Variants in CDH13 observed in about 807,000 individuals in gnomAD.
CDH13 encodes the protein cadherin 13.
In CDH13, 24 loss-of-function variants were observed where a neutral mutation model predicts 63.8. The observed-to-expected ratio is 0.38, with a 90% CI of 0.27 to 0.53. CDH13 has a LOEUF of 0.53. CDH13 is among the 20% of genes least tolerant of loss of function. CDH13 has a pLI of 0.85. For synonymous variants in CDH13, 503 were observed against 355.3 expected (o/e 1.42, Z -4.67); for missense variants, 1,049 against 903.1 (o/e 1.16, Z -2.07).
chr16:83,532,885 G>C (rs574392902), intron 7 of CDH13, among the ~76,000 whole-genome samples: 1 of 152,192 alleles, frequency 6.6e-6, no homozygotes, highest in African/African-American at 2.4e-5. Context: ...GCAGTGCCAC[G>C]GGAGAGAGCC....
At chr16:82,668,720 C>T (rs773404105) in intron 1 of CDH13, among the ~76,000 whole-genome samples, 16 of 152,100 alleles carry the variant, frequency 1.1e-4, no homozygotes, top group Non-Finnish European at 2.2e-4. Context: ...GAATGACTGT[C>T]GTAGGAGTGT....
At chr16:82,687,169 T>C (rs1915160502) in intron 1 of CDH13, among the ~76,000 whole-genome samples, 2 of 152,168 alleles carry the variant, frequency 1.3e-5, no homozygotes, top group Non-Finnish European at 1.5e-5. Flanking sequence ...TCTCTCATGG[T>C]AGCTTTGAAG....
chr16:83,250,198 G>T (rs1267460488), intron 5 of CDH13, among the ~76,000 whole-genome samples: 2 of 152,208 alleles, frequency 1.3e-5, no homozygotes, highest in East Asian at 1.9e-4. Flanking sequence ...TAAATATTCA[G>T]ATTGCCACTA....
intron 4 of CDH13, among the ~76,000 whole-genome samples, chr16:83,160,199 G>T (rs1439780175): frequency 6.6e-6 from 1 of 152,154 alleles, no homozygotes; most frequent in Non-Finnish European, 1.5e-5. Context: ...GGGTGAAAAT[G>T]ATGTGTCAAT....
chr16:82,759,840 C>T (rs762333113), intron 1 of CDH13, among the ~76,000 whole-genome samples: 12 of 152,164 alleles, frequency 7.9e-5, no homozygotes, highest in Non-Finnish European at 1.5e-4. Context: ...TGACGCACTG[C>T]GCCTCTGTTG....
intron 5 of CDH13, among the ~76,000 whole-genome samples, chr16:83,284,266 C>G (rs1262949142): frequency 6.6e-6 from 1 of 152,182 alleles, no homozygotes; most frequent in Non-Finnish European, 1.5e-5. Context: ...GGAGAAGAAT[C>G]TGAGTAGTCA....
chr16:82,681,625 T>A (rs1201841853), intron 1 of CDH13, among the ~76,000 whole-genome samples: 1 of 152,112 alleles, frequency 6.6e-6, no homozygotes, highest in Non-Finnish European at 1.5e-5. Flanking sequence ...CTGGCGGGAG[T>A]GGTAGCGGAT....
At chr16:83,661,460 G>A (rs980279352) in intron 8 of CDH13, among the ~76,000 whole-genome samples, 14 of 149,790 alleles carry the variant, frequency 9.3e-5, no homozygotes, top group Admixed American at 8.0e-4. Flanking sequence ...TCCAGCCTGG[G>A]TGACAGAGCG....
At chr16:83,715,468 GCTTGTAAGTACCAGGT>G (rs1387334658) in intron 10 of CDH13, among the ~76,000 whole-genome samples, 2 of 152,290 alleles carry the variant, frequency 1.3e-5, no homozygotes, top group African/African-American at 4.8e-5. Flanking sequence ...GGATCCTGGG[GCTTGTAAGTACCAGGT>G]CTTGGTAAGT....
intron 7 of CDH13, among the ~76,000 whole-genome samples, chr16:83,523,704 T>C (rs963052949): frequency 6.6e-6 from 1 of 152,166 alleles, no homozygotes; most frequent in Non-Finnish European, 1.5e-5. Context: ...TCCACCTCAG[T>C]GGGCATGTCC....
At chr16:83,603,168 C>G (rs1163298017) in intron 8 of CDH13, among the ~76,000 whole-genome samples, 1 of 152,168 alleles carries the variant, frequency 6.6e-6, no homozygotes, top group African/African-American at 2.4e-5. Flanking sequence ...GGGCTGAGTA[C>G]ACAAGATCAC....
chr16:83,024,948 C>T (rs1488618982), intron 2 of CDH13, among the ~76,000 whole-genome samples: 1 of 152,172 alleles, frequency 6.6e-6, no homozygotes, highest in Non-Finnish European at 1.5e-5. Flanking sequence ...ACCCCTTTAA[C>T]CCTAGCAGTG....
At chr16:82,647,592 G>A (rs1910247559) in intron 1 of CDH13, among the ~76,000 whole-genome samples, 1 of 151,748 alleles carries the variant, frequency 6.6e-6, no homozygotes, top group African/African-American at 2.4e-5. Context: ...CCCACCTGAG[G>A]GGCATGGGAG....
intron 10 of CDH13, among the ~76,000 whole-genome samples, chr16:83,712,685 T>C (rs17769638): frequency 0.12 from 17,640 of 152,256 alleles, 1,047 homozygotes; most frequent in Admixed American, 0.14. Flanking sequence ...TCTACACATC[T>C]ATCCTTTTCT....
chr16:83,148,094 C>T (rs373688517), intron 4 of CDH13, among the ~76,000 whole-genome samples: 15 of 152,140 alleles, frequency 9.9e-5, no homozygotes, highest in Non-Finnish European at 1.2e-4. Context: ...TGCGCCACCA[C>T]GCCTGGCTAA....
intron 6 of CDH13, among the ~76,000 whole-genome samples, chr16:83,471,157 A>G (rs575531470): frequency 1.3e-5 from 2 of 152,216 alleles, no homozygotes; most frequent in Admixed American, 6.5e-5. Flanking sequence ...CCTCATCTCA[A>G]GATCTTTAAT....
intron 1 of CDH13, among the ~76,000 whole-genome samples, chr16:82,784,690 G>C (rs1480357299): frequency 6.6e-6 from 1 of 152,092 alleles, no homozygotes; most frequent in African/African-American, 2.4e-5. Context: ...ATGAGAGCTG[G>C]TAACTCTCTC....
intron 2 of CDH13, among the ~76,000 whole-genome samples, chr16:83,016,834 C>T (rs1914850665): frequency 6.6e-6 from 1 of 152,062 alleles, no homozygotes. Context: ...ACAAAAGATG[C>T]TCATCTACAT....
chr16:83,132,298 G>A (rs2036086861), intron 4 of CDH13, among the ~76,000 whole-genome samples: 1 of 151,850 alleles, frequency 6.6e-6, no homozygotes, highest in Non-Finnish European at 1.5e-5. Context: ...GCACTTACTG[G>A]GTTGTCTAGG....
Sources: gnomAD v4.1 joint callset for allele counts (sites outside exome capture counted in the v4.1 genomes callset) on GRCh38, gnomAD v4.1.1 for gene constraint, MANE v1.5 for transcripts, NCBI Gene and HGNC (gene_info 2026-07-23, HGNC 2026-07-21) for gene names.